The following ABCA1 variants were observed in gnomAD, a reference collection of about 807,000 sequenced individuals.
ABCA1 encodes the protein phospholipid-transporting ATPase ABCA1.
A neutral mutation model predicts 262.5 loss-of-function variants in ABCA1; 133 were observed. The observed-to-expected ratio is 0.51, with a 90% confidence interval of 0.44 to 0.59. The LOEUF (loss-of-function observed/expected upper bound fraction) is 0.59, where lower values mean the gene tolerates loss of function less well. ABCA1 is among the 20% of genes least tolerant of loss of function. The pLI, the probability that ABCA1 is intolerant of heterozygous loss-of-function variation, is 0.00. For synonymous variants in ABCA1, 1,022 were observed against 1,043.5 expected, an observed-to-expected ratio of 0.98 and a Z score of 0.40; for missense variants, 2,452 against 2,777.5, an observed-to-expected ratio of 0.88 and a Z score of 2.63.
chr9:104,804,662 T>A lies in ABCA1; in HGVS notation c.4523A>T (p.Tyr1508Phe). ...GATCTGCACATACGTCTTCACCAGATAATCCGAAATGTTTCTTCCTGTCAG... is the reference window on the plus strand; with the variant it reads ...GATCTGCACATACGTCTTCACCAGAAAATCCGAAATGTTTCTTCCTGTCAG... ...QDLTGRNISD[Y>F]LVKTYVQIIA... The change falls in exon 32 of 50, where the codon TAT (tyrosine) becomes TTT (phenylalanine). Residue 1508 changes from tyrosine to phenylalanine, a missense_variant. By Grantham distance (22) the Tyr-to-Phe change is conservative (BLOSUM62 3). Around this residue, in one of 4 missense-constraint regions of ABCA1, gnomAD observed 752 missense variants for 944.5 expected, o/e 0.80. Coordinates refer to ENST00000374736, the MANE Select transcript of ABCA1 (RefSeq NM_005502.4). The A allele has an allele frequency of 2.5e-6, 4 of 1,614,242 alleles. No homozygotes were observed. In the South Asian group the frequency reaches 4.4e-5, roughly 18 times the overall value.
chr9:104,803,465 A>T, intron 32 of ABCA1, 149 bp from the exon 33 acceptor site: 1 of 802,564 alleles, frequency 1.2e-6, no homozygotes. Context: ...TGTGCTAGAG[A>T]AAAGAAGCCT....
intron 2 of ABCA1, chr9:104,889,537 C>T (rs1246039743): frequency 1.6e-5 from 3 of 189,816 alleles, no homozygotes; most frequent in Non-Finnish European, 2.9e-5. Context: ...CTCCAGTAAC[C>T]CAGGCACACT....
chr9:104,919,823 T>G lies in ABCA1; in HGVS notation c.-93+8112A>C, dbSNP rs1034645228. On this transcript the variant is annotated intron_variant, in intron 1 of 49. Transcript: ENST00000374736. ...TCTGGTTCTATGATTCAAATCTTCA[T>G]TCACTCAAAGCAGGTAAATAGGAAA... is the stretch of plus-strand genomic sequence containing the variant. 3.9e-5 allele frequency among the ~76,000 whole-genome samples: 6 copies of G among 152,218 alleles called. No homozygotes were observed. The South Asian group carries it at 1.2e-3, about 32-fold the overall frequency.
chr9:104,924,291 T>G (rs1842304128), intron 1 of ABCA1, among the ~76,000 whole-genome samples: 1 of 149,666 alleles, frequency 6.7e-6, no homozygotes, highest in Admixed American at 6.7e-5. Flanking sequence ...ATGGTATTAT[T>G]TATTTAATAT....
At position 104,791,912 on chromosome 9, in the gene ABCA1, G is replaced by C. The variant is rs190391646; in HGVS notation, c.5820+24C>G. On this transcript the variant is annotated intron_variant, in intron 43 of 49. Transcript: ENST00000374736. ...ATAGTCTGAACTAATAGGGACAAAC[G>C]CAATATAGACAAAGTGTCTTTACCT... 585 of 1,609,928 alleles carry C rather than the reference G, an allele frequency of 3.6e-4. 6 individuals are homozygous for C. In the South Asian group the frequency reaches 5.3e-3, roughly 15 times the overall value.
At chr9:104,841,980 C>T (rs1050673378) in intron 8 of ABCA1, among the ~76,000 whole-genome samples, 1 of 152,234 alleles carries the variant, frequency 6.6e-6, no homozygotes, top group African/African-American at 2.4e-5. Flanking sequence ...CCTGGGAAGA[C>T]TGAGCTATAG....
intron 1 of ABCA1, among the ~76,000 whole-genome samples, chr9:104,921,921 T>C (rs1842156752): frequency 6.6e-6 from 1 of 152,174 alleles, no homozygotes; most frequent in African/African-American, 2.4e-5. Context: ...GTAATCCAAG[T>C]CTAATGGAAG....
At position 104,793,255 on chromosome 9, in the gene ABCA1, C is replaced by T. The variant is rs1055285452; in HGVS notation, c.5552G>A (p.Arg1851Gln). ...TTCCACGGCCATGGCGAAGAGGTTT[C>T]GTCCCACCAAGTCCCAAGATAATGG... ...VSPLSWDLVG[R>Q]NLFAMAVEGV... The change falls in exon 41 of 50, where the codon CGA (arginine) becomes CAA (glutamine). Residue 1851 changes from arginine to glutamine, a missense_variant. Physicochemically the swap from Arg to Gln is conservative, Grantham distance 43 (BLOSUM62 1). Around this residue, in one of 4 missense-constraint regions of ABCA1, gnomAD observed 752 missense variants for 944.5 expected, o/e 0.80. Transcript: ENST00000374736. 6.2e-6 allele frequency: 10 copies of T among 1,614,008 alleles called. No homozygotes were observed. The highest frequency in any genetic ancestry group is 1.6e-4 in the Middle Eastern group (1 of 6,080).
chr9:104,877,915 G>C (rs1475363662), intron 5 of ABCA1, among the ~76,000 whole-genome samples: 1 of 152,170 alleles, frequency 6.6e-6, no homozygotes, highest in Non-Finnish European at 1.5e-5. Flanking sequence ...CACAGAAAAT[G>C]TTTCTTTTGA....
At chr9:104,802,234 G>T in intron 33 of ABCA1, 75 bp from the exon 34 acceptor site, 1 of 1,329,412 alleles carries the variant, frequency 7.5e-7, no homozygotes, top group Non-Finnish European at 1.1e-6. Context: ...CAGTGCGAGT[G>T]TGTACAAGGT....
intron 15 of ABCA1, 135 bp downstream of exon 15, chr9:104,828,781 T>G: frequency 5.8e-5 from 58 of 1,008,476 alleles, no homozygotes; most frequent in Middle Eastern, 2.8e-4. Flanking sequence ...TATAAATGGA[T>G]GAAATTGCAG....
Position 104,798,454 on chromosome 9 carries a change from G to A in ABCA1, c.5088C>T (p.Val1696=), listed in dbSNP as rs778396370. The A allele has an allele frequency of 3.1e-6, 5 of 1,614,068 alleles. No individual in the cohort carries two copies. In the African/African-American group the frequency reaches 6.7e-5, roughly 22 times the overall value. The change falls in exon 37 of 50, where the codon GTC becomes GTT. Residue 1696 remains valine, a synonymous_variant. Coordinates refer to ENST00000374736, the MANE Select transcript of ABCA1 (RefSeq NM_005502.4). ...AGACAAAATTAGAGAGCCAGTAGAT[G>A]ACAGGCTTCACTCCACTGATGAACT... is the stretch of plus-strand genomic sequence containing the variant. The part of the protein sequence containing the change: ...HLQFISGVKP[V]IYWLSNFVWD...
chr9:104,791,971 C>G lies in ABCA1; in HGVS notation c.5785G>C (p.Val1929Leu), dbSNP rs1829465967. Residue 1929 changes from valine to leucine, a missense_variant, in exon 43 of 50, where the codon GTT becomes CTT. By Grantham distance (32) the Val-to-Leu change is conservative. Coordinates refer to ENST00000374736, the MANE Select transcript of ABCA1 (RefSeq NM_005502.4). ...GGAATGCCCACGCAAATCCTGTCAA[C>G]AGCAGGCTTCCGCTTCCTTCTATAT... ...KIYRRKRKPA[V>L]DRICVGIPPG... 3.1e-6 allele frequency: 5 copies of G among 1,613,650 alleles called. No individual in the cohort carries two copies. Among genetic ancestry groups the G allele is most frequent in the Non-Finnish European group, 4.2e-6 (5 of 1,179,846 alleles).
chr9:104,898,420 C>T (rs1369437973), intron 2 of ABCA1, among the ~76,000 whole-genome samples: 7 of 151,752 alleles, frequency 4.6e-5, no homozygotes, highest in Non-Finnish European at 5.9e-5. Context: ...TGGTGGTGGG[C>T]GTCTGTAATC....
In ABCA1 at chr9:104,889,245, A is replaced by G. The variant is rs2275545; in HGVS notation, c.67-50T>C. The G allele has an allele frequency of 0.15, 232,151 of 1,584,418 alleles. 18,395 individuals are homozygous for G. The highest frequency in any genetic ancestry group is 0.29 in the African/African-American group (21,406 of 74,218). On this transcript the variant is annotated intron_variant, in intron 2 of 49. Transcript: ENST00000374736. ...CTGTAAATTTAAAAATAATATGGATATCCAATGCCACTGGGATCTGGGAAA... is the reference window on the plus strand; with the variant it reads ...CTGTAAATTTAAAAATAATATGGATGTCCAATGCCACTGGGATCTGGGAAA...
chr9:104,794,829 A>G (rs1370581271), intron 39 of ABCA1, among the ~76,000 whole-genome samples: 1 of 152,240 alleles, frequency 6.6e-6, no homozygotes, highest in Non-Finnish European at 1.5e-5. Context: ...TTAGCATTTG[A>G]AAAGCAAATT....
Position 104,903,753 on chromosome 9 carries a change from C to T in ABCA1, c.-74G>A, listed in dbSNP as rs959729673. Reference sequence around the variant, plus strand: ...CAGCGGCCAGAGCTCACAGCAGGGACGCCGTGGCTGGTCATTAACTGAAAG... The same window carrying T: ...CAGCGGCCAGAGCTCACAGCAGGGATGCCGTGGCTGGTCATTAACTGAAAG... On this transcript the variant is annotated 5_prime_UTR_variant, in exon 2 of 50. Transcript: ENST00000374736. The T allele has an allele frequency of 9.9e-6, 14 of 1,407,704 alleles. No individual in the cohort carries two copies. The highest frequency in any genetic ancestry group is 4.0e-5 in the Admixed American group (2 of 50,310). The allele number at this position is 1,407,704 out of a possible 1,614,324, so 87.2% of individuals were successfully genotyped here. A position where few individuals can be genotyped will look rare whatever the true frequency, so the allele number is the denominator to read the frequency against.
chr9:104,807,895 A>G (rs962543167), intron 30 of ABCA1, among the ~76,000 whole-genome samples: 3 of 148,198 alleles, frequency 2.0e-5, no homozygotes, highest in Non-Finnish European at 4.4e-5. Context: ...TTATAAATAT[A>G]TATTTTTAAC....
Position 104,858,594 on chromosome 9 carries a change from G to T in ABCA1, c.648C>A (p.Gly216=). 1 of 1,614,148 alleles carries T rather than the reference G, an allele frequency of 6.2e-7. No homozygotes were observed. Among genetic ancestry groups the T allele is most frequent in the East Asian group, 2.2e-5 (1 of 44,886 alleles). Residue 216 remains glycine, a synonymous_variant, in exon 7 of 50, where the codon GGC becomes GGA. Coordinates refer to ENST00000374736, the MANE Select transcript of ABCA1 (RefSeq NM_005502.4). The part of the protein sequence containing the change: ...LGDQEVSELC[G]LPREKLAAAE... ...CTGCAGCCAGTTTCTCCCTTGGTAG[G>T]CCACAAAGCTCAGAAACTTCTTGGT...
Sources: allele counts gnomAD v4.1 joint callset (sites outside exome capture counted in the v4.1 genomes callset), GRCh38; gene constraint gnomAD v4.1.1; regional missense constraint gnomAD v4.1.1; transcripts MANE v1.5; gene names NCBI Gene and HGNC (gene_info 2026-07-23, HGNC 2026-07-21).